Variants in ERC2 observed in about 807,000 individuals in gnomAD.
ERC2 encodes ERC protein 2.
Under a neutral mutation model 114.8 loss-of-function variants are expected in ERC2, and 42 were observed. The observed-to-expected ratio is 0.37, with a 90% confidence interval of 0.29 to 0.47. ERC2 has a LOEUF of 0.47. ERC2 is among the 20% of genes least tolerant of loss of function. The pLI is 0.99. For synonymous variants in ERC2, 454 were observed against 425.5 expected, an observed-to-expected ratio of 1.07 and a Z score of -0.82; for missense variants, 939 against 1,150.7, an observed-to-expected ratio of 0.82 and a Z score of 2.66.
intron 17 of ERC2, among the ~76,000 whole-genome samples, chr3:55,603,811 G>A (rs900601599): frequency 3.3e-4 from 50 of 151,880 alleles, no homozygotes; most frequent in African/African-American, 1.1e-3. Flanking sequence ...CAAATCACAC[G>A]GTATACATGA....
At chr3:55,759,407 T>C (rs1314829198) in intron 14 of ERC2, among the ~76,000 whole-genome samples, 1 of 146,552 alleles carries the variant, frequency 6.8e-6, no homozygotes, top group East Asian at 2.0e-4. Context: ...TTCGCTATTG[T>C]CTCCTCCCCC....
chr3:55,653,852 T>C (rs1292189385), intron 17 of ERC2, among the ~76,000 whole-genome samples: 1 of 152,202 alleles, frequency 6.6e-6, no homozygotes, highest in African/African-American at 2.4e-5. Flanking sequence ...GCCATATTTG[T>C]TCCTCAGATC....
intron 3 of ERC2, among the ~76,000 whole-genome samples, chr3:56,226,664 G>T (rs935607878): frequency 2.6e-5 from 4 of 152,114 alleles, no homozygotes; most frequent in African/African-American, 9.7e-5. Flanking sequence ...AATGACAAAT[G>T]GGTCTCCACC....
chr3:55,514,469 G>A (rs1247926853), intron 17 of ERC2, among the ~76,000 whole-genome samples: 1 of 152,184 alleles, frequency 6.6e-6, no homozygotes, highest in Non-Finnish European at 1.5e-5. Context: ...TTTTAAAAAA[G>A]GGTGGATCTG....
At chr3:55,890,686 G>A (rs1012369184) in intron 13 of ERC2, among the ~76,000 whole-genome samples, 1 of 152,218 alleles carries the variant, frequency 6.6e-6, no homozygotes, top group Non-Finnish European at 1.5e-5. Flanking sequence ...ACAATACAGA[G>A]TTGTAACTGA....
intron 17 of ERC2, among the ~76,000 whole-genome samples, chr3:55,644,444 C>T (rs2060309549): frequency 6.6e-6 from 1 of 152,016 alleles, no homozygotes; most frequent in Admixed American, 6.6e-5. Flanking sequence ...CTTAGAAAAC[C>T]CAAGTGTCTG....
At chr3:55,810,146 A>G (rs997482832) in intron 14 of ERC2, among the ~76,000 whole-genome samples, 1 of 152,216 alleles carries the variant, frequency 6.6e-6, no homozygotes, top group Non-Finnish European at 1.5e-5. Context: ...ATATTCTGAC[A>G]TGTGCAAATA....
At chr3:56,212,883 C>T (rs1388177122) in intron 3 of ERC2, among the ~76,000 whole-genome samples, 1 of 152,136 alleles carries the variant, frequency 6.6e-6, no homozygotes, top group Non-Finnish European at 1.5e-5. Context: ...TTGCAGCAAC[C>T]TGGATGGAAC....
intron 3 of ERC2, among the ~76,000 whole-genome samples, chr3:56,232,348 T>C (rs2050681494): frequency 6.6e-6 from 1 of 152,044 alleles, no homozygotes; most frequent in Non-Finnish European, 1.5e-5. Context: ...AATATATAAA[T>C]AAATAATCCT....
At chr3:55,832,819 G>A (rs969476783) in intron 14 of ERC2, among the ~76,000 whole-genome samples, 6 of 152,196 alleles carry the variant, frequency 3.9e-5, no homozygotes, top group African/African-American at 1.2e-4. Context: ...TGAGCTACAG[G>A]AGGAAATTCA....
intron 15 of ERC2, among the ~76,000 whole-genome samples, chr3:55,704,315 C>T (rs1385153679): frequency 3.3e-5 from 5 of 152,024 alleles, no homozygotes; most frequent in Non-Finnish European, 7.4e-5. Flanking sequence ...GTGGCAATAA[C>T]AAACTTTGCT....
chr3:55,819,946 G>A (rs1424373530), intron 14 of ERC2, among the ~76,000 whole-genome samples: 3 of 152,172 alleles, frequency 2.0e-5, no homozygotes, highest in African/African-American at 7.2e-5. Context: ...TGCAATGGAG[G>A]GGGGTTCCCA....
intron 17 of ERC2, among the ~76,000 whole-genome samples, chr3:55,571,124 CAAAAA>C (rs60594862): frequency 1.0e-4 from 7 of 67,442 alleles, no homozygotes; most frequent in East Asian, 1.5e-3. Context: ...GAGACTCCGT[CAAAAA>C]AAAAAAAAAA....
chr3:56,420,040 A>C (rs1293521241), intron 2 of ERC2, among the ~76,000 whole-genome samples: 1 of 152,080 alleles, frequency 6.6e-6, no homozygotes, highest in Non-Finnish European at 1.5e-5. Flanking sequence ...GATTCCTTGG[A>C]AACTTTTATA....
intron 3 of ERC2, among the ~76,000 whole-genome samples, chr3:56,238,387 G>A (rs1300776482): frequency 1.3e-5 from 2 of 152,166 alleles, no homozygotes; most frequent in African/African-American, 4.8e-5. Flanking sequence ...CCCCTGGAAG[G>A]CCTGAGTCAG....
At chr3:55,781,723 T>G (rs1467713725) in intron 14 of ERC2, among the ~76,000 whole-genome samples, 1 of 151,548 alleles carries the variant, frequency 6.6e-6, no homozygotes, top group East Asian at 1.9e-4. Flanking sequence ...ATACAAAAAA[T>G]TAGCTGGGTG....
At chr3:55,594,766 G>A (rs2058055243) in intron 17 of ERC2, among the ~76,000 whole-genome samples, 1 of 152,168 alleles carries the variant, frequency 6.6e-6, no homozygotes, top group African/African-American at 2.4e-5. Flanking sequence ...TTACAGGCAT[G>A]AGCCACTGCG....
intron 14 of ERC2, among the ~76,000 whole-genome samples, chr3:55,885,893 C>A (rs2063330680): frequency 6.6e-6 from 1 of 152,168 alleles, no homozygotes. Flanking sequence ...CAAGTCACAG[C>A]CACCAGGTGG....
intron 7 of ERC2, among the ~76,000 whole-genome samples, chr3:56,056,200 G>T (rs1369814033): frequency 6.6e-6 from 1 of 152,158 alleles, no homozygotes. Flanking sequence ...GGAGACAAAT[G>T]CTTTTGAACA....
Sources: gnomAD v4.1 joint callset for allele counts (sites outside exome capture counted in the v4.1 genomes callset) on GRCh38, gnomAD v4.1.1 for gene constraint, MANE v1.5 for transcripts, NCBI Gene and HGNC (gene_info 2026-07-23, HGNC 2026-07-21) for gene names.